The following ZC4H2 variants were observed in gnomAD, a reference collection of about 807,000 sequenced individuals.
ZC4H2 encodes the protein zinc finger C4H2-type containing, also known as zinc finger C4H2 domain-containing protein.
For missense variants in ZC4H2, 137 were observed against 173.9 expected (o/e 0.79, Z 1.19); for synonymous variants, 84 against 66.3 (o/e 1.27, Z -1.30).
intron 1 of ZC4H2, among the ~76,000 whole-genome samples, chrX:65,032,846 G>A (rs1487318500): frequency 9.2e-6 from 1 of 108,141 alleles, no homozygotes; most frequent in East Asian, 2.9e-4. Flanking sequence ...GTGCCATCTC[G>A]GCTCACTGCA....
intron 1 of ZC4H2, among the ~76,000 whole-genome samples, chrX:64,995,415 G>A (rs1355114006): frequency 8.9e-6 from 1 of 112,219 alleles, no homozygotes; most frequent in Non-Finnish European, 1.9e-5. Context: ...CACTCAGGCT[G>A]GAGTGCAGTC....
chrX:64,934,815 T>A (rs1929918499), intron 1 of ZC4H2, among the ~76,000 whole-genome samples: 1 of 112,087 alleles, frequency 8.9e-6, no homozygotes, highest in Admixed American at 9.4e-5. Flanking sequence ...ACTGTGCTTT[T>A]CCCACAGTCT....
At chrX:64,989,381 C>A (rs1932263299) in intron 1 of ZC4H2, among the ~76,000 whole-genome samples, 2 of 111,585 alleles carry the variant, frequency 1.8e-5, no homozygotes. Context: ...TGTTTGTATC[C>A]TCTTTTATTT....
chrX:65,008,086 A>G (rs1379174029), intron 1 of ZC4H2, among the ~76,000 whole-genome samples: 1 of 111,989 alleles, frequency 8.9e-6, no homozygotes, highest in East Asian at 2.8e-4. Flanking sequence ...AATAACCAGA[A>G]TACGTAAGGA....
intron 1 of ZC4H2, among the ~76,000 whole-genome samples, chrX:64,991,824 A>G (rs1225573869): frequency 8.9e-6 from 1 of 112,417 alleles, no homozygotes; most frequent in East Asian, 2.8e-4. Flanking sequence ...CCGTCTTTAC[A>G]ATGAAACATT....
chrX:64,993,355 C>A (rs992855813), intron 1 of ZC4H2, among the ~76,000 whole-genome samples: 1 of 111,552 alleles, frequency 9.0e-6, no homozygotes, highest in Non-Finnish European at 1.9e-5. Flanking sequence ...ATCTTAATCT[C>A]AGGTTTCCTA....
At chrX:64,934,050 C>A (rs1019914287) in intron 1 of ZC4H2, among the ~76,000 whole-genome samples, 8 of 111,844 alleles carry the variant, frequency 7.2e-5, no homozygotes, top group African/African-American at 2.3e-4. Context: ...ACAGCCTCAA[C>A]CTTGTCCCAG....
chrX:65,021,899 T>C (rs972934660), intron 1 of ZC4H2, among the ~76,000 whole-genome samples: 1 of 111,545 alleles, frequency 9.0e-6, no homozygotes, highest in Non-Finnish European at 1.9e-5. Context: ...TATAAACAAC[T>C]CTATGCAAAT....
In ZC4H2 at chrX:64,929,601, A is replaced by C. The variant is rs1011047712; in HGVS notation, c.54-7613T>G. Among the ~76,000 whole-genome samples, 4 of 111,631 alleles carry C rather than the reference A, an allele frequency of 3.6e-5. No individual in the cohort carries two copies. In the Admixed American group the frequency reaches 3.8e-4, roughly 11 times the overall value. On this transcript the variant is annotated intron_variant, in intron 1 of 4. Coordinates refer to ENST00000374839, the MANE Select transcript of ZC4H2 (RefSeq NM_018684.4). The stretch of plus-strand genomic sequence containing the variant: ...CTACATGTGGCTTGCCAGTTTTCCC[A>C]GCACCATTTATTGAATAGGGTGTCC...
chrX:64,982,244 A>T (rs1285622754), intron 1 of ZC4H2, among the ~76,000 whole-genome samples: 3 of 111,827 alleles, frequency 2.7e-5, no homozygotes, highest in Non-Finnish European at 5.6e-5. Context: ...TCCGTTTCTA[A>T]CAGCCTCCTT....
chrX:65,033,804 T>C (rs1249350967), intron 1 of ZC4H2, among the ~76,000 whole-genome samples: 1 of 111,580 alleles, frequency 9.0e-6, no homozygotes, highest in Non-Finnish European at 1.9e-5. Context: ...GAATCTTAGC[T>C]CAGGCCGGGC....
rs1052919190 is a variant in ZC4H2 at position 64,917,489 on chromosome X, T to C, written c.*294A>G. On this transcript the variant is annotated 3_prime_UTR_variant, in exon 5 of 5. Coordinates refer to ENST00000374839, the MANE Select transcript of ZC4H2 (RefSeq NM_018684.4). ...CTCAGGCACAAGAGATAGAGAATCA[T>C]ATCTGAGCCTTTTGCCCTTCCCTTA... The C allele has an allele frequency of 2.0e-5, 5 of 253,188 alleles. No homozygotes were observed. Among genetic ancestry groups the C allele is most frequent in the Non-Finnish European group, 3.5e-5 (5 of 142,003 alleles). The allele number at this position is 253,188 out of a possible 1,213,427, so 20.9% of individuals were successfully genotyped here. A position where few individuals can be genotyped will look rare whatever the true frequency, so the allele number is the denominator to read the frequency against.
intron 1 of ZC4H2, among the ~76,000 whole-genome samples, chrX:64,990,999 T>A (rs945116116): frequency 1.9e-4 from 21 of 112,034 alleles, no homozygotes; most frequent in African/African-American, 6.8e-4. Context: ...ACTGAAAGGA[T>A]CCTAGACCAG....
upstream of ZC4H2, among the ~76,000 whole-genome samples, chrX:64,978,432 C>G (rs758805617): frequency 1.8e-5 from 2 of 112,058 alleles, no homozygotes; most frequent in East Asian, 5.6e-4. Context: ...AGTCACAAAG[C>G]CTGTGGATCC....
intron 1 of ZC4H2, among the ~76,000 whole-genome samples, chrX:65,028,013 C>T (rs1353716621): frequency 1.8e-5 from 2 of 111,985 alleles, no homozygotes; most frequent in Non-Finnish European, 3.8e-5. Flanking sequence ...GTTTTTATCC[C>T]TCTCTGCCTC....
chrX:64,937,596 G>GT (rs1930074912), intron 1 of ZC4H2, among the ~76,000 whole-genome samples: 1 of 111,843 alleles, frequency 8.9e-6, no homozygotes, highest in South Asian at 3.7e-4. Flanking sequence ...TCAGACCACA[G>GT]TGCAATTAAA....
At chrX:64,965,115 T>C (rs780347336) in intron 1 of ZC4H2, among the ~76,000 whole-genome samples, 4 of 111,876 alleles carry the variant, frequency 3.6e-5, no homozygotes, top group Non-Finnish European at 7.5e-5. Context: ...AACAAACTAA[T>C]CTACAGATCC....
chrX:64,945,623 T>C lies in ZC4H2; in HGVS notation c.54-23635A>G, dbSNP rs1459155421. ...GCTCTAGCACTCTGATGGGAGATCC[T>C]CTGCTCTCTTCAGAGCTGGCAGGCA... On this transcript the variant is annotated intron_variant, in intron 1 of 4. Transcript: ENST00000374839. Among the ~76,000 whole-genome samples, 5 of 111,670 alleles carry C rather than the reference T, an allele frequency of 4.5e-5. No homozygotes were observed. In the East Asian group the frequency reaches 1.1e-3, roughly 25 times the overall value.
chrX:64,954,328 AT>A lies in ZC4H2; in HGVS notation c.53+21996del, dbSNP rs1438587709. 1.9e-3 allele frequency among the ~76,000 whole-genome samples: 150 copies of A among 78,470 alleles called. 11 individuals carry two copies. The highest frequency in any genetic ancestry group is 8.0e-3 in the African/African-American group (123 of 15,429). 68.1% of individuals were successfully genotyped at this position (78,470 alleles called of 115,157 possible). ...AAACTTAAAGTATAATTATATATAT[AT>A]ATATATATAATTATATATATATATA... On this transcript the variant is annotated intron_variant, in intron 1 of 4. Coordinates refer to ENST00000374839, the MANE Select transcript of ZC4H2 (RefSeq NM_018684.4).
Sources: allele counts gnomAD v4.1 joint callset (sites outside exome capture counted in the v4.1 genomes callset), GRCh38; gene constraint gnomAD v4.1.1; transcripts MANE v1.5; gene names NCBI Gene and HGNC (gene_info 2026-07-23, HGNC 2026-07-21).